Variants in OGFR observed in about 807,000 individuals in gnomAD.
The protein encoded by OGFR is protein 7-60.
In OGFR, 18 loss-of-function variants were observed where a neutral mutation model predicts 33.6. That is an observed-to-expected ratio of 0.54 (90% CI 0.37 to 0.80). OGFR has a LOEUF of 0.80. OGFR is among the 30% of genes least tolerant of loss of function. The probability of loss-of-function intolerance (pLI) is 0.00; values close to 1 mark genes in which losing one functional copy is unlikely to be tolerated. For synonymous variants in OGFR, 370 were observed against 400.7 expected, an observed-to-expected ratio of 0.92 and a Z score of 0.91; for missense variants, 877 against 955.8, an observed-to-expected ratio of 0.92 and a Z score of 1.09.
chr20:62,810,469 T>A, intron 4 of OGFR, 30 bp from the exon 5 acceptor site: 1 of 1,611,096 alleles, frequency 6.2e-7, no homozygotes, highest in Non-Finnish European at 8.5e-7. Context: ...GCTCTCCTAA[T>A]CCCTTGCCTG....
chr20:62,810,414 C>T, intron 4 of OGFR, 85 bp from the exon 5 acceptor site: 2 of 1,359,518 alleles, frequency 1.5e-6, no homozygotes, highest in Non-Finnish European at 2.1e-6. Context: ...GGGATTGGAA[C>T]TGCCCCGGGC....
chr20:62,810,675 G>T (rs1286447402), intron 5 of OGFR, 110 bp downstream of exon 5: 1 of 989,914 alleles, frequency 1.0e-6, no homozygotes, highest in African/African-American at 1.6e-5. Context: ...TGCCCCCTCA[G>T]GGGTCCCTTG....
Position 62,813,529 on chromosome 20 carries a change from A to G in OGFR, c.1914A>G (p.Pro638=), listed in dbSNP as rs1990798437. The G allele has an allele frequency of 6.2e-7, 1 of 1,602,256 alleles. No homozygotes were observed. Among genetic ancestry groups the G allele is most frequent in the Non-Finnish European group, 8.5e-7 (1 of 1,176,796 alleles). ...CAGGGGACGAGCCAGCCGAGAGCCC[A>G]TCGGAGACCCCAGGCCCCAGCCCGG... ...GPAGDEPAES[P]SETPGPSPAG... Residue 638 remains proline (P), a synonymous_variant, in exon 7 of 7, where the codon CCA becomes CCG. Transcript: ENST00000290291.
chr20:62,813,067 C>G lies in OGFR; in HGVS notation c.1452C>G (p.Ser484=). Residue 484 remains serine (S), a synonymous_variant, in exon 7 of 7, where the codon TCC becomes TCG. Transcript: ENST00000290291. ...GGAQTLALAG[S]PAPSGHPKAG... ...CCCAGACCTTGGCCCTTGCCGGGTC[C>G]CCTGCCCCATCGGGGCACCCCAAGG... The G allele has an allele frequency of 6.3e-7, 1 of 1,581,948 alleles. No individual in the cohort carries two copies. Among genetic ancestry groups the G allele is most frequent in the South Asian group, 1.1e-5 (1 of 87,796 alleles).
chr20:62,807,613 C>A lies in OGFR; in HGVS notation c.240+8C>A. ...TATCGGCACAACTATCCGGTACGTA[C>A]CTGCCCCTGCCCCGGGACACAGAAC... On this transcript the variant is annotated splice_region_variant and intron_variant, in intron 2 of 6. Transcript: ENST00000290291. The A allele has an allele frequency of 3.1e-6, 5 of 1,608,642 alleles. No homozygotes were observed. The highest frequency in any genetic ancestry group is 1.7e-4 in the Middle Eastern group (1 of 6,048).
rs375786797 is a variant in OGFR, at chr20:62,807,632, A to G, written c.240+27A>G. On this transcript the variant is annotated intron_variant, in intron 2 of 6. Transcript: ENST00000290291. Reference sequence around the variant, plus strand: ...TACGTACCTGCCCCTGCCCCGGGACACAGAACCCTCCCGCCAGCTGCTCTT... The same window carrying G: ...TACGTACCTGCCCCTGCCCCGGGACGCAGAACCCTCCCGCCAGCTGCTCTT... 5.6e-6 allele frequency: 9 copies of G among 1,605,304 alleles called. No individual in the cohort carries two copies. In the African/African-American group the frequency reaches 9.4e-5, roughly 17 times the overall value.
At chr20:62,807,403 G>A (rs2147182606) in intron 1 of OGFR, 134 bp from the exon 2 acceptor site, 1 of 735,960 alleles carries the variant, frequency 1.4e-6, no homozygotes, top group South Asian at 1.7e-5. Context: ...GAGAATGAGA[G>A]GGAGGAGCCA....
chr20:62,805,500 C>G (rs1375168749), intron 1 of OGFR: 2 of 153,180 alleles, frequency 1.3e-5, no homozygotes, highest in African/African-American at 2.4e-5. Context: ...GACGGGGCCT[C>G]CGCTTGTTAC....
At position 62,812,611 on chromosome 20, in the gene OGFR, A is replaced by G; in HGVS notation, c.996A>G (p.Pro332=). The G allele has an allele frequency of 1.3e-6, 2 of 1,562,928 alleles. No homozygotes were observed. Among genetic ancestry groups the G allele is most frequent in the Non-Finnish European group, 1.7e-6 (2 of 1,154,530 alleles). The stretch of plus-strand genomic sequence containing the variant: ...GCACCCAGGGTCGGACCTGTGGGCC[A>G]GAGCATAGCAAGGGTGGGGGCAGGG... ...EASTQGRTCG[P]EHSKGGGRVD... Residue 332 remains proline (P), a synonymous_variant, in exon 7 of 7, where the codon CCA becomes CCG. Transcript: ENST00000290291.
At chr20:62,808,974 C>CAAAAAA (rs5842400) in intron 3 of OGFR, among the ~76,000 whole-genome samples, 48 of 68,408 alleles carry the variant, frequency 7.0e-4, no homozygotes, top group Non-Finnish European at 9.4e-4. Context: ...GACTCTGTCT[C>CAAAAAA]AAAAAAAAAA....
chr20:62,808,362 A>G (rs1370372200), intron 3 of OGFR, 37 bp downstream of exon 3: 1 of 1,505,148 alleles, frequency 6.6e-7, no homozygotes, highest in South Asian at 1.1e-5. Context: ...CGGCGCTTCC[A>G]TCCTTGCCTG....
chr20:62,810,472 C>G, intron 4 of OGFR, 27 bp from the exon 5 acceptor site: 1 of 1,611,984 alleles, frequency 6.2e-7, no homozygotes, highest in East Asian at 2.2e-5. Context: ...CTCCTAATCC[C>G]TTGCCTGAGC....
chr20:62,807,529 C>G lies in OGFR; in HGVS notation c.172-8C>G, dbSNP rs200688146. 6.4e-4 allele frequency: 1,037 copies of G among 1,612,194 alleles called. No homozygotes were observed. The highest frequency in any genetic ancestry group is 1.4e-3 in the Admixed American group (85 of 59,970). On this transcript the variant is annotated splice_polypyrimidine_tract_variant and splice_region_variant and intron_variant, in intron 1 of 6. Coordinates refer to ENST00000290291, the MANE Select transcript of OGFR (RefSeq NM_007346.4). ...TGGGGGTCCTAATCCCATCTCTTTT[C>G]TTCCCAGTCCAGAATGACAGGGTCC...
chr20:62,809,215 G>A (rs1990668395), intron 3 of OGFR, among the ~76,000 whole-genome samples: 1 of 152,162 alleles, frequency 6.6e-6, no homozygotes, highest in African/African-American at 2.4e-5. Context: ...CTGTGTTTGA[G>A]GACAGATTTC....
intron 6 of OGFR, 78 bp downstream of exon 6, chr20:62,811,688 C>G: frequency 7.0e-7 from 1 of 1,428,490 alleles, no homozygotes; most frequent in Non-Finnish European, 9.3e-7. Flanking sequence ...GGTCACAGAG[C>G]GCTGCTGCAG....
In OGFR at chr20:62,808,297, C is replaced by T. The variant is rs1990642739; in HGVS notation, c.291C>T (p.Tyr97=). ...GGGACACGCCAAACCTGAGTTTCTA[C>T]AGAAATGAGATCCGCTTCCTGCCCA... ...CNGDTPNLSF[Y]RNEIRFLPNG... The change falls in exon 3 of 7, where the codon TAC becomes TAT. Residue 97 remains tyrosine (Y), a synonymous_variant. Coordinates refer to ENST00000290291, the MANE Select transcript of OGFR (RefSeq NM_007346.4). The T allele has an allele frequency of 1.2e-6, 2 of 1,613,426 alleles. No homozygotes were observed. The highest frequency in any genetic ancestry group is 4.5e-5 in the East Asian group (2 of 44,886).
chr20:62,809,399 C>T (rs956837936), intron 3 of OGFR, among the ~76,000 whole-genome samples, 186 bp from the exon 4 acceptor site: 28 of 152,226 alleles, frequency 1.8e-4, no homozygotes, highest in Non-Finnish European at 4.1e-4. Context: ...AAGGGCTGTG[C>T]ATCGGAGGAG....
At chr20:62,807,735 C>A in intron 2 of OGFR, 130 bp downstream of exon 2, 9 of 880,974 alleles carry the variant, frequency 1.0e-5, no homozygotes, top group Non-Finnish European at 1.6e-5. Context: ...GGGCAGGACC[C>A]TGCCTGGGGC....
chr20:62,810,022 AG>A (rs1217063488), intron 4 of OGFR, among the ~76,000 whole-genome samples: 3 of 152,224 alleles, frequency 2.0e-5, no homozygotes, highest in Non-Finnish European at 4.4e-5. Flanking sequence ...CAGCTGGGGC[AG>A]GGTCCTGGCG....
Sources: allele counts gnomAD v4.1 joint callset (sites outside exome capture counted in the v4.1 genomes callset), GRCh38; gene constraint gnomAD v4.1.1; transcripts MANE v1.5; gene names NCBI Gene and HGNC (gene_info 2026-07-23, HGNC 2026-07-21).